AK4: variants seen among roughly 807,000 people sequenced by gnomAD.
AK4 encodes adenylate kinase 4, also known as adenylate kinase 4, mitochondrial.
Under a neutral mutation model 24.6 loss-of-function variants are expected in AK4, and 13 were observed. That is an observed-to-expected ratio of 0.53 (90% CI 0.34 to 0.84). The LOEUF (loss-of-function observed/expected upper bound fraction) is 0.84. Among genes scored for constraint, AK4 ranks in the 40% least tolerant of loss-of-function variants. The pLI, the probability that AK4 is intolerant of heterozygous loss-of-function variation, is 0.01. For synonymous variants in AK4, 88 were observed against 107.0 expected, an observed-to-expected ratio of 0.82 and a Z score of 1.10; for missense variants, 192 against 288.2, an observed-to-expected ratio of 0.67 and a Z score of 2.42.
At chr1:65,170,773 C>T (rs1013492621) in intron 1 of AK4, among the ~76,000 whole-genome samples, 1 of 152,116 alleles carries the variant, frequency 6.6e-6, no homozygotes, top group African/African-American at 2.4e-5. Context: ...GGAAATCTGT[C>T]ACATGGTTAG....
intron 4 of AK4, 95 bp from the exon 5 acceptor site, chr1:65,225,968 C>G: frequency 7.6e-7 from 1 of 1,324,314 alleles, no homozygotes; most frequent in Non-Finnish European, 1.1e-6. Flanking sequence ...TGATATAGAC[C>G]ATGAGATCAT....
At chr1:65,195,354 C>T (rs1340545534) in intron 2 of AK4, among the ~76,000 whole-genome samples, 3 of 152,046 alleles carry the variant, frequency 2.0e-5, no homozygotes, top group Non-Finnish European at 4.4e-5. Flanking sequence ...CAAACTATAG[C>T]ACCCCCCAGT....
At chr1:65,152,583 G>A (rs1054683965) in intron 1 of AK4, among the ~76,000 whole-genome samples, 15 of 150,818 alleles carry the variant, frequency 9.9e-5, no homozygotes, top group Admixed American at 6.0e-4. Context: ...TGTATTTTTG[G>A]TGGAGATGGG....
chr1:65,174,410 G>A (rs1446284977), intron 1 of AK4, among the ~76,000 whole-genome samples: 29 of 152,024 alleles, frequency 1.9e-4, no homozygotes, highest in South Asian at 2.1e-4. Flanking sequence ...TTCAGAGACC[G>A]AATTTCCCTT....
At chr1:65,187,885 T>C (rs1387403506) in intron 1 of AK4, among the ~76,000 whole-genome samples, 3 of 152,216 alleles carry the variant, frequency 2.0e-5, no homozygotes, top group African/African-American at 7.2e-5. Flanking sequence ...TTCACATTCA[T>C]GTTCAGTCAC....
chr1:65,178,237 T>C (rs1456379107), intron 1 of AK4, among the ~76,000 whole-genome samples: 2 of 152,152 alleles, frequency 1.3e-5, no homozygotes, highest in African/African-American at 2.4e-5. Flanking sequence ...TTGTAAACAA[T>C]GTCTGTTCCA....
chr1:65,226,002 C>G, intron 4 of AK4, 61 bp from the exon 5 acceptor site: 2 of 1,531,186 alleles, frequency 1.3e-6, no homozygotes, highest in Non-Finnish European at 1.8e-6. Context: ...CTAGGATCTT[C>G]TGCACTAATA....
At chr1:65,200,221 C>G (rs956916642) in intron 2 of AK4, among the ~76,000 whole-genome samples, 1 of 152,130 alleles carries the variant, frequency 6.6e-6, no homozygotes, top group Non-Finnish European at 1.5e-5. Context: ...TCCGGTGATT[C>G]TCCTGCTTCA....
At chr1:65,217,138 G>A (rs1652156608) in intron 2 of AK4, among the ~76,000 whole-genome samples, 1 of 152,234 alleles carries the variant, frequency 6.6e-6, no homozygotes, top group Non-Finnish European at 1.5e-5. Flanking sequence ...AGGCTTTGGA[G>A]GAAGCATTGG....
chr1:65,201,904 C>T (rs1423526554), intron 2 of AK4, among the ~76,000 whole-genome samples: 1 of 152,068 alleles, frequency 6.6e-6, no homozygotes, highest in East Asian at 1.9e-4. Context: ...TTGGGTAACC[C>T]TGGAGCTAAA....
intron 1 of AK4, among the ~76,000 whole-genome samples, chr1:65,175,499 A>G (rs1650682745): frequency 6.6e-6 from 1 of 152,236 alleles, no homozygotes; most frequent in Non-Finnish European, 1.5e-5. Context: ...GGTGCATGGC[A>G]CAGCCGGATA....
chr1:65,173,334 C>G (rs1650602303), intron 1 of AK4, among the ~76,000 whole-genome samples: 1 of 152,136 alleles, frequency 6.6e-6, no homozygotes, highest in Non-Finnish European at 1.5e-5. Context: ...AGTTAACATA[C>G]AGCAGATCAG....
chr1:65,194,530 C>T (rs1651409773), intron 2 of AK4, among the ~76,000 whole-genome samples: 3 of 152,088 alleles, frequency 2.0e-5, no homozygotes, highest in Admixed American at 2.0e-4. Context: ...GGCCTGATCT[C>T]AGCTCACTGC....
At chr1:65,153,031 C>T (rs12070239) in intron 1 of AK4, among the ~76,000 whole-genome samples, 1 of 152,232 alleles carries the variant, frequency 6.6e-6, no homozygotes, top group East Asian at 1.9e-4. Flanking sequence ...CCATTTCCCC[C>T]CCTAGCTGGG....
chr1:65,160,077 C>G (rs1162190143), intron 1 of AK4, among the ~76,000 whole-genome samples: 2 of 151,920 alleles, frequency 1.3e-5, no homozygotes, highest in Non-Finnish European at 2.9e-5. Flanking sequence ...GCGTTCAAAC[C>G]TGGGGCTCCA....
At chr1:65,159,582 A>G (rs1355497424) in intron 1 of AK4, among the ~76,000 whole-genome samples, 2 of 152,116 alleles carry the variant, frequency 1.3e-5, no homozygotes, top group Middle Eastern at 3.2e-3. Context: ...GCCTGAGTCC[A>G]GGAGGCTACA....
chr1:65,156,988 A>G (rs182477486), intron 1 of AK4, among the ~76,000 whole-genome samples: 10 of 152,264 alleles, frequency 6.6e-5, no homozygotes, highest in South Asian at 2.1e-4. Context: ...CAAAATAACA[A>G]TAATCCACTG....
rs1651348401 is a variant in AK4, at chr1:65,192,785, G to A, written c.265+1956G>A. ...TTCCAAAGGAAGAAATAGGCAAGAA[G>A]AAAGGGGCAGGTGGTCACCGATAAG... On this transcript the variant is annotated intron_variant, in intron 2 of 4. Coordinates refer to ENST00000327299, the MANE Select transcript of AK4 (RefSeq NM_013410.4). 2.6e-5 allele frequency among the ~76,000 whole-genome samples: 4 copies of A among 152,206 alleles called. No individual in the cohort carries two copies. The South Asian group carries it at 8.3e-4, about 31-fold the overall frequency.
intron 2 of AK4, among the ~76,000 whole-genome samples, chr1:65,195,150 G>A (rs1210279092): frequency 6.6e-6 from 1 of 152,180 alleles, no homozygotes; most frequent in East Asian, 1.9e-4. Flanking sequence ...AACACATGAT[G>A]AGAAGGCTCA....
Sources: allele counts gnomAD v4.1 joint callset (sites outside exome capture counted in the v4.1 genomes callset), GRCh38; gene constraint gnomAD v4.1.1; transcripts MANE v1.5; gene names NCBI Gene and HGNC (gene_info 2026-07-23, HGNC 2026-07-21).